RNLS: variants seen among roughly 807,000 people sequenced by gnomAD.
RNLS encodes the protein renalase.
RNLS carries 39 observed loss-of-function variants against 39.8 expected under a neutral mutation model. The ratio of observed to expected loss-of-function variants is 0.98; its 90% confidence interval spans 0.76 to 1.28. RNLS has a LOEUF of 1.28. Ranked by LOEUF, RNLS falls within the 50% of genes most tolerant of loss-of-function variation. The pLI is 0.00. For missense variants in RNLS, 410 were observed against 413.3 expected (o/e 0.99, Z 0.07); for synonymous variants, 147 against 150.7 (o/e 0.98, Z 0.18).
chr10:88,565,049 G>C lies in RNLS; in HGVS notation c.526+7854C>G, dbSNP rs538742535. On this transcript the variant is annotated intron_variant, in intron 4 of 6. Transcript: ENST00000331772. ...AACACAGGAAGCTACAGACGTGGCT[G>C]TTCATAGTCTGTACAAATGTGAAAC... is the stretch of plus-strand genomic sequence containing the variant. 2.2e-4 allele frequency among the ~76,000 whole-genome samples: 33 copies of C among 152,296 alleles called. No homozygotes were observed. In the South Asian group the frequency reaches 2.5e-3, roughly 11 times the overall value.
At chr10:88,533,833 C>T (rs890312267) in intron 4 of RNLS, among the ~76,000 whole-genome samples, 6 of 152,044 alleles carry the variant, frequency 3.9e-5, no homozygotes, top group Non-Finnish European at 8.8e-5. Flanking sequence ...AGTCTAAACC[C>T]TAGGTCTAAA....
the RNLS span, among the ~76,000 whole-genome samples, chr10:88,252,876 G>A: frequency 6.6e-6 from 1 of 152,160 alleles, no homozygotes; most frequent in African/African-American, 2.4e-5. Context: ...GTACTCTATA[G>A]GACATAGAGG....
intron 4 of RNLS, among the ~76,000 whole-genome samples, chr10:88,431,921 A>G (rs980103033): frequency 1.3e-5 from 2 of 151,754 alleles, no homozygotes; most frequent in Non-Finnish European, 3.0e-5. Flanking sequence ...TGTACATTTG[A>G]AAGGAATGTG....
intron 2 of RNLS, 109 bp from the exon 3 acceptor site, chr10:88,581,818 T>C: frequency 1.5e-6 from 1 of 665,848 alleles, no homozygotes; most frequent in Non-Finnish European, 2.3e-6. Flanking sequence ...AAATCAAAAT[T>C]AGATATCTTC....
the RNLS span, among the ~76,000 whole-genome samples, chr10:88,257,217 C>T: frequency 2.0e-4 from 30 of 152,082 alleles, no homozygotes; most frequent in Non-Finnish European, 3.4e-4. Context: ...AGCCTCAAAT[C>T]AATGCAAATC....
the RNLS span, among the ~76,000 whole-genome samples, chr10:88,190,098 G>T: frequency 6.6e-6 from 1 of 152,164 alleles, no homozygotes; most frequent in African/African-American, 2.4e-5. Context: ...CCCACTCTTT[G>T]GTACTCTTTC....
At chr10:88,487,455 A>T (rs546601643) in intron 4 of RNLS, among the ~76,000 whole-genome samples, 2 of 152,218 alleles carry the variant, frequency 1.3e-5, no homozygotes, top group African/African-American at 4.8e-5. Flanking sequence ...AGACATATAG[A>T]TGGTAAATAA....
intron 4 of RNLS, among the ~76,000 whole-genome samples, chr10:88,443,685 A>T (rs1360559442): frequency 6.6e-6 from 1 of 152,198 alleles, no homozygotes; most frequent in Non-Finnish European, 1.5e-5. Flanking sequence ...CATGGCTTGG[A>T]GGGTCCCATG....
intron 6 of RNLS, among the ~76,000 whole-genome samples, chr10:88,306,529 C>A (rs1394285749): frequency 1.3e-5 from 2 of 152,084 alleles, no homozygotes; most frequent in African/African-American, 4.8e-5. Flanking sequence ...TACAAACAAC[C>A]ATCAGAGAAT....
chr10:88,505,579 T>G (rs1209868340), intron 4 of RNLS, among the ~76,000 whole-genome samples: 1 of 151,830 alleles, frequency 6.6e-6, no homozygotes, highest in Non-Finnish European at 1.5e-5. Context: ...TAAAAAAAAG[T>G]TTTTTAAAGA....
chr10:88,310,813 AAAAAAAAAAAAAAAG>A (rs1344629234), intron 6 of RNLS, among the ~76,000 whole-genome samples: 1,618 of 147,824 alleles, frequency 0.011, 43 homozygotes, highest in African/African-American at 0.038. Context: ...AAAAAAAAAA[AAAAAAAAAAAAAAAG>A]AAAGAAAAGG....
intron 4 of RNLS, among the ~76,000 whole-genome samples, chr10:88,365,826 T>C (rs1226558659): frequency 6.6e-6 from 1 of 152,054 alleles, no homozygotes; most frequent in East Asian, 1.9e-4. Context: ...ACAGAAGACC[T>C]GGCTGTACTC....
At position 88,298,602 on chromosome 10, in the gene RNLS, T is replaced by C; in HGVS notation, c.877-13096A>G. Reference sequence around the variant, plus strand: ...TAAGGAAAAGATTATTCTTTCTCCATTGAATGTTCTTAAGAATATTGTCAT... The same window carrying C: ...TAAGGAAAAGATTATTCTTTCTCCACTGAATGTTCTTAAGAATATTGTCAT... On this transcript the variant is annotated intron_variant, in intron 6 of 6. Coordinates refer to ENST00000331772, the MANE Select transcript of RNLS (RefSeq NM_001031709.3). Among the ~76,000 whole-genome samples, 3 of 152,208 alleles carry C rather than the reference T, an allele frequency of 2.0e-5. 1 individual carries two copies. The East Asian group carries it at 5.8e-4, about 29-fold the overall frequency.
At chr10:88,565,344 A>G (rs1307122244) in intron 4 of RNLS, among the ~76,000 whole-genome samples, 3 of 152,120 alleles carry the variant, frequency 2.0e-5, no homozygotes, top group Non-Finnish European at 2.9e-5. Context: ...TAATAATCAA[A>G]TAAGAGCTGA....
chr10:88,381,317 T>TAGA (rs763587309), intron 4 of RNLS, among the ~76,000 whole-genome samples: 22 of 152,290 alleles, frequency 1.4e-4, no homozygotes, highest in Admixed American at 7.2e-4. Context: ...AGCAAAGTTT[T>TAGA]AGAAGTTTTC....
chr10:88,232,437 C>T, the RNLS span, among the ~76,000 whole-genome samples: 1 of 152,188 alleles, frequency 6.6e-6, no homozygotes, highest in South Asian at 2.1e-4. Flanking sequence ...CTCTCCTTCT[C>T]CCTTTTCTAC....
At chr10:88,575,202 AT>A (rs1359722854) in intron 3 of RNLS, among the ~76,000 whole-genome samples, 536 of 36,606 alleles carry the variant, frequency 0.015, 2 homozygotes, top group Admixed American at 0.021. Context: ...TATACTATAT[AT>A]ATATGTGTGT....
chr10:88,570,496 A>G (rs556662588), intron 4 of RNLS, among the ~76,000 whole-genome samples: 7 of 152,128 alleles, frequency 4.6e-5, no homozygotes, highest in Non-Finnish European at 1.0e-4. Context: ...TGCAGTAAAC[A>G]CTCATTGTTC....
chr10:88,365,119 A>G (rs1213185920), intron 4 of RNLS, among the ~76,000 whole-genome samples: 1 of 152,094 alleles, frequency 6.6e-6, no homozygotes, highest in East Asian at 1.9e-4. Context: ...ATATAGAAAC[A>G]GCAATTAACC....
Sources: gnomAD v4.1 joint callset for allele counts (sites outside exome capture counted in the v4.1 genomes callset) on GRCh38, gnomAD v4.1.1 for gene constraint, MANE v1.5 for transcripts, NCBI Gene and HGNC (gene_info 2026-07-23, HGNC 2026-07-21) for gene names.